Variants in GDPD5 observed in about 807,000 individuals in gnomAD.
The protein encoded by GDPD5 is glycerophosphodiester phosphodiesterase 2.
GDPD5 carries 48 observed loss-of-function variants against 75.1 expected under a neutral mutation model. The ratio of observed to expected loss-of-function variants is 0.64; its 90% CI spans 0.51 to 0.81. The LOEUF (loss-of-function observed/expected upper bound fraction) is 0.81. Ranked by LOEUF, GDPD5 falls within the 40% of genes least tolerant of loss-of-function variation. The pLI is 0.00. For missense variants in GDPD5, 706 were observed against 822.6 expected (o/e 0.86, Z 1.73); for synonymous variants, 336 against 339.0 (o/e 0.99, Z 0.10).
chr11:75,449,753 G>T, intron 7 of GDPD5, 132 bp downstream of exon 7: 1 of 1,245,130 alleles, frequency 8.0e-7, no homozygotes, highest in Non-Finnish European at 1.2e-6. Context: ...CAGGACCCTG[G>T]TGTCCTCCCT....
chr11:75,478,259 C>T (rs540530576), intron 2 of GDPD5, among the ~76,000 whole-genome samples: 86 of 152,364 alleles, frequency 5.6e-4, no homozygotes, highest in South Asian at 1.0e-3. Flanking sequence ...AAGCAATTCT[C>T]TTGCCTCAGC....
chr11:75,466,880 C>A (rs1565197805), intron 3 of GDPD5, among the ~76,000 whole-genome samples: 2 of 151,998 alleles, frequency 1.3e-5, no homozygotes, highest in Admixed American at 6.6e-5. Flanking sequence ...AAGATTTGAA[C>A]CCAGGCATAC....
In GDPD5 at chr11:75,441,771, C is replaced by G; in HGVS notation, c.1200G>C (p.Leu400=). 6.2e-7 allele frequency: 1 copy of G among 1,610,858 alleles called. No individual in the cohort carries two copies. The highest frequency in any genetic ancestry group is 8.5e-7 in the Non-Finnish European group (1 of 1,179,904). The change falls in exon 13 of 17, where the codon CTG becomes CTC. Residue 400 remains leucine, a synonymous_variant. Transcript: ENST00000336898. ...VMWLPSRQRP[L]VRKVAPGFQQ... is the part of the protein sequence containing the mutation. ...GGAAGCCGGGAGCCACCTTCCGCAC[C>G]AGGGGCCTCTGCCTGCTAGGCAGCC...
intron 9 of GDPD5, among the ~76,000 whole-genome samples, chr11:75,446,701 C>T (rs921272340): frequency 7.9e-5 from 12 of 152,176 alleles, no homozygotes; most frequent in Admixed American, 2.0e-4. Context: ...CACACACAGA[C>T]ATGTGGACCC....
intron 3 of GDPD5, among the ~76,000 whole-genome samples, chr11:75,474,905 A>C (rs1949746975): frequency 6.6e-6 from 1 of 152,210 alleles, no homozygotes; most frequent in Non-Finnish European, 1.5e-5. Context: ...TTCTTCCAGC[A>C]AACTCTCACT....
At chr11:75,449,486 G>A (rs922850084) in intron 8 of GDPD5, 31 bp downstream of exon 8, 2 of 1,530,646 alleles carry the variant, frequency 1.3e-6, no homozygotes, top group East Asian at 4.8e-5. Flanking sequence ...TGCAGGGATT[G>A]GAGGGGCAGG....
At chr11:75,460,900 G>A (rs760020175) in intron 4 of GDPD5, among the ~76,000 whole-genome samples, 7 of 151,732 alleles carry the variant, frequency 4.6e-5, no homozygotes, top group Non-Finnish European at 8.8e-5. Context: ...CCAACAGGGC[G>A]GGAACCCATC....
intron 3 of GDPD5, among the ~76,000 whole-genome samples, chr11:75,477,236 C>A (rs1949798322): frequency 6.6e-6 from 1 of 152,212 alleles, no homozygotes; most frequent in South Asian, 2.1e-4. Flanking sequence ...AGCTCCCAGG[C>A]TCCAGGATGG....
At chr11:75,503,332 T>C (rs998273007) in intron 1 of GDPD5, among the ~76,000 whole-genome samples, 1 of 152,250 alleles carries the variant, frequency 6.6e-6, no homozygotes, top group African/African-American at 2.4e-5. Flanking sequence ...TGATTGTTCC[T>C]ATATAAAGTC....
At chr11:75,467,516 G>A (rs1236326312) in intron 3 of GDPD5, among the ~76,000 whole-genome samples, 4 of 152,302 alleles carry the variant, frequency 2.6e-5, no homozygotes, top group East Asian at 1.9e-4. Context: ...CAGGGCCATC[G>A]TGCAAGCCCC....
At chr11:75,481,973 G>A (rs1175510895) in intron 2 of GDPD5, among the ~76,000 whole-genome samples, 1 of 152,114 alleles carries the variant, frequency 6.6e-6, no homozygotes, top group African/African-American at 2.4e-5. Flanking sequence ...GGGGAAAAGT[G>A]CCAGGAGGTA....
chr11:75,440,801 T>C (rs1028086934), intron 14 of GDPD5, among the ~76,000 whole-genome samples: 68 of 152,148 alleles, frequency 4.5e-4, no homozygotes, highest in Non-Finnish European at 1.2e-4. Context: ...CCAGTGATCA[T>C]CCTGCCTCTG....
intron 1 of GDPD5, among the ~76,000 whole-genome samples, chr11:75,506,464 G>A (rs1020678353): frequency 2.0e-5 from 3 of 152,164 alleles, no homozygotes; most frequent in East Asian, 1.9e-4. Context: ...GCCTGGCTGG[G>A]AGGCCTGATA....
chr11:75,456,233 G>T (rs868280530), intron 6 of GDPD5, among the ~76,000 whole-genome samples: 1 of 152,198 alleles, frequency 6.6e-6, no homozygotes, highest in South Asian at 2.1e-4. Flanking sequence ...ATCAGCAGGG[G>T]CCAGATCATG....
chr11:75,449,820 C>T, intron 7 of GDPD5, 65 bp downstream of exon 7: 1 of 1,540,606 alleles, frequency 6.5e-7, no homozygotes, highest in Middle Eastern at 1.7e-4. Flanking sequence ...GGGCCTTGGT[C>T]TGGAGAAAGG....
At chr11:75,471,063 C>G (rs1949651523) in intron 3 of GDPD5, among the ~76,000 whole-genome samples, 1 of 152,228 alleles carries the variant, frequency 6.6e-6, no homozygotes, top group East Asian at 1.9e-4. Flanking sequence ...CTGAAGAGTG[C>G]CTACTCCTGA....
intron 1 of GDPD5, among the ~76,000 whole-genome samples, chr11:75,496,567 T>C (rs182303348): frequency 5.8e-4 from 89 of 152,288 alleles, no homozygotes; most frequent in African/African-American, 1.6e-3. Context: ...CTGTACAGTG[T>C]GCAGTGGCTG....
intron 1 of GDPD5, among the ~76,000 whole-genome samples, chr11:75,513,010 A>G (rs939804097): frequency 6.6e-6 from 1 of 152,218 alleles, no homozygotes; most frequent in Non-Finnish European, 1.5e-5. Context: ...CATACTGTGT[A>G]CCAGGCAAGT....
intron 2 of GDPD5, among the ~76,000 whole-genome samples, chr11:75,489,028 G>A (rs191164903): frequency 7.2e-5 from 11 of 152,234 alleles, no homozygotes; most frequent in Admixed American, 7.2e-4. Context: ...CTATTTAGTT[G>A]TCAGTCAAAA....
Sources: gnomAD v4.1 joint callset for allele counts (sites outside exome capture counted in the v4.1 genomes callset) on GRCh38, gnomAD v4.1.1 for gene constraint, MANE v1.5 for transcripts, NCBI Gene and HGNC (gene_info 2026-07-23, HGNC 2026-07-21) for gene names.